The following C16orf89 variants were observed in gnomAD, a reference collection of about 807,000 sequenced individuals.
C16orf89 encodes the protein chromosome 16 open reading frame 89, also known as UPF0764 protein C16orf89.
In C16orf89, 57 loss-of-function variants were observed where a neutral mutation model predicts 41.5. The ratio of observed to expected loss-of-function variants is 1.38; its 90% confidence interval spans 1.11 to 1.71. The LOEUF is 1.71. Ranked by LOEUF, C16orf89 falls within the 40% of genes most tolerant of loss-of-function variation. C16orf89 has a pLI of 0.00. For synonymous variants in C16orf89, 223 were observed against 190.6 expected, an observed-to-expected ratio of 1.17 and a Z score of -1.40; for missense variants, 575 against 445.9, an observed-to-expected ratio of 1.29 and a Z score of -2.61.
At chr16:5,043,892 C>G (rs1166502987), downstream of C16orf89, 1 of 155,028 alleles carries the variant, frequency 6.5e-6, no homozygotes, top group East Asian at 1.9e-4. Flanking sequence ...TGGTGGCATA[C>G]ACCTGTTGTC....
chr16:5,063,133 C>A (rs1170524854), intron 1 of C16orf89, among the ~76,000 whole-genome samples: 2 of 152,068 alleles, frequency 1.3e-5, no homozygotes, highest in Non-Finnish European at 2.9e-5. Flanking sequence ...CAGAGGTGGC[C>A]AGAAATTGGG....
At position 5,057,294 on chromosome 16, in the gene C16orf89, A is replaced by ATATATATATGTATATATATATGTG. The variant is rs1956529640; in HGVS notation, c.628-1107_628-1106insCACATATATATATACATATATATA. ...TATATATATGTATATATATATGTGT[A>ATATATATATGTATATATATATGTG]TATATATATATAGTGGTATATATAT... On this transcript the variant is annotated intron_variant, in intron 4 of 7. Transcript: ENST00000472572. Among the ~76,000 whole-genome samples, 29 of 98,694 alleles carry ATATATATATGTATATATATATGTG rather than the reference A, an allele frequency of 2.9e-4. No individual in the cohort carries two copies. In the South Asian group the frequency reaches 7.8e-3, roughly 26 times the overall value. 64.7% of individuals were successfully genotyped at this position (98,694 alleles called of 152,430 possible).
intron 1 of C16orf89, among the ~76,000 whole-genome samples, chr16:5,064,187 A>G (rs1244631836): frequency 1.3e-5 from 2 of 152,148 alleles, no homozygotes; most frequent in Non-Finnish European, 2.9e-5. Context: ...AATTTAATGC[A>G]CGTGAATTGT....
chr16:5,049,601 A>T (rs1172019686), intron 6 of C16orf89, among the ~76,000 whole-genome samples: 1 of 152,256 alleles, frequency 6.6e-6, no homozygotes, highest in Non-Finnish European at 1.5e-5. Flanking sequence ...TTCCTGAATG[A>T]CCAATGAGCA....
chr16:5,044,018 AAAAAG>A, downstream of C16orf89: 1 of 707,104 alleles, frequency 1.4e-6, no homozygotes, highest in Non-Finnish European at 1.8e-6. Context: ...AAAAAAAGGA[AAAAAG>A]AAAAAAGAAT....
At chr16:5,062,614 TCGGGACCTTTTTTTGCCTTGGAAC>T (rs1956650879) in intron 1 of C16orf89, 40 bp from the exon 2 acceptor site, 1 of 1,527,124 alleles carries the variant, frequency 6.5e-7, no homozygotes, top group African/African-American at 1.4e-5. Flanking sequence ...CTATTTGGAA[TCGGGACCTTTTTTTGCCTTGGAAC>T]AAGAAAAAAA....
At chr16:5,064,369 T>C (rs1254403753) in intron 1 of C16orf89, among the ~76,000 whole-genome samples, 2 of 152,188 alleles carry the variant, frequency 1.3e-5, no homozygotes, top group African/African-American at 2.4e-5. Context: ...TCAAGGATGC[T>C]CAATGCTTTG....
intron 6 of C16orf89, 75 bp downstream of exon 6, chr16:5,055,171 C>T (rs2142636796): frequency 3.1e-6 from 4 of 1,281,442 alleles, no homozygotes; most frequent in African/African-American, 1.5e-5. Context: ...ATTGTTCCCA[C>T]ACCTGGCCTA....
intron 6 of C16orf89, among the ~76,000 whole-genome samples, chr16:5,053,683 A>G (rs188240011): frequency 6.6e-6 from 1 of 152,136 alleles, no homozygotes; most frequent in Non-Finnish European, 1.5e-5. Context: ...AGCCGGGACC[A>G]TAGGTGTGCG....
intron 7 of C16orf89, among the ~76,000 whole-genome samples, chr16:5,047,648 A>G (rs947571606): frequency 2.6e-5 from 4 of 151,946 alleles, no homozygotes; most frequent in Non-Finnish European, 5.9e-5. Flanking sequence ...TTGTATTTTT[A>G]GTAGAGACAG....
intron 5 of C16orf89, 48 bp downstream of exon 5, chr16:5,056,005 G>T (rs755407771): frequency 1.4e-6 from 2 of 1,424,382 alleles, no homozygotes; most frequent in Non-Finnish European, 1.9e-6. Flanking sequence ...GTGTGTTGGT[G>T]GGGGGACACC....
At chr16:5,057,399 GTA>G (rs1431011915) in intron 4 of C16orf89, among the ~76,000 whole-genome samples, 3 of 144,792 alleles carry the variant, frequency 2.1e-5, no homozygotes, top group Admixed American at 7.0e-5. Context: ...ATATATAGTG[GTA>G]TATATATAGT....
At position 5,047,928 on chromosome 16, in the gene C16orf89, T is replaced by C. The variant is rs1208374466; in HGVS notation, c.905A>G (p.Tyr302Cys). 1.9e-6 allele frequency: 3 copies of C among 1,604,188 alleles called. No homozygotes were observed. Among genetic ancestry groups the C allele is most frequent in the Admixed American group, 1.7e-5 (1 of 59,832 alleles). The change falls in exon 7 of 8, where the codon TAT becomes TGT. Residue 302 changes from tyrosine to cysteine, a missense_variant. By Grantham distance (194) the Tyr-to-Cys change is radical. Transcript: ENST00000472572. ...EDEELSKAIQ[Y>C]QQHFSRRVKR... ...CACTCTCCTCGAAAAATGCTGCTGA[T>C]ATTGAATAGCTTTAGATAATTCTTC...
chr16:5,048,995 C>T (rs1956352162), intron 6 of C16orf89, among the ~76,000 whole-genome samples: 1 of 152,044 alleles, frequency 6.6e-6, no homozygotes. Context: ...GGTAAAGACA[C>T]ATATGGAATG....
chr16:5,062,891 G>A (rs976304558), intron 1 of C16orf89, among the ~76,000 whole-genome samples: 1 of 152,164 alleles, frequency 6.6e-6, no homozygotes, highest in Non-Finnish European at 1.5e-5. Flanking sequence ...TTTCTTGTTG[G>A]ATGGCCAGAG....
chr16:5,065,514 T>A (rs1238939385), intron 1 of C16orf89, among the ~76,000 whole-genome samples, 187 bp downstream of exon 1: 1 of 152,170 alleles, frequency 6.6e-6, no homozygotes, highest in Non-Finnish European at 1.5e-5. Context: ...TCTAAAAAAT[T>A]GCGTAACAGT....
chr16:5,053,990 T>C (rs1956443286), intron 6 of C16orf89, among the ~76,000 whole-genome samples: 1 of 152,220 alleles, frequency 6.6e-6, no homozygotes, highest in Non-Finnish European at 1.5e-5. Flanking sequence ...TTATTACATG[T>C]CTATTGAGAA....
chr16:5,044,094 A>T, downstream of C16orf89: 1 of 1,175,774 alleles, frequency 8.5e-7, no homozygotes. Flanking sequence ...GTTGTCCTCA[A>T]AGCTGAGAAA....
At chr16:5,061,499 A>AG (rs1424634437) in intron 2 of C16orf89, among the ~76,000 whole-genome samples, 3 of 76,288 alleles carry the variant, frequency 3.9e-5, no homozygotes, top group African/African-American at 1.3e-4. Flanking sequence ...AAAAAAAAAA[A>AG]AAAAACCCCC....
Sources: allele counts gnomAD v4.1 joint callset (sites outside exome capture counted in the v4.1 genomes callset), GRCh38; gene constraint gnomAD v4.1.1; transcripts MANE v1.5; gene names NCBI Gene and HGNC (gene_info 2026-07-23, HGNC 2026-07-21).